FAM153A: variants seen among roughly 807,000 people sequenced by gnomAD.
FAM153A encodes protein FAM153A.
A neutral mutation model predicts 48.1 loss-of-function variants in FAM153A; 12 were observed. The ratio of observed to expected loss-of-function variants is 0.25; its 90% confidence interval spans 0.16 to 0.40. FAM153A has a LOEUF of 0.40. Among genes scored for constraint, FAM153A ranks in the 10% least tolerant of loss-of-function variants. The pLI, the probability that FAM153A is intolerant of heterozygous loss-of-function variation, is 1.00. For missense variants in FAM153A, 111 were observed against 345.8 expected, an observed-to-expected ratio of 0.32 and a Z score of 5.38; for synonymous variants, 36 against 118.2, an observed-to-expected ratio of 0.30 and a Z score of 4.51.
upstream of FAM153A, among the ~76,000 whole-genome samples, chr5:177,781,883 TAA>T (rs1408636862): frequency 5.0e-5 from 4 of 79,742 alleles, 1 homozygote; most frequent in Non-Finnish European, 1.0e-4. Context: ...CACGCCCGGC[TAA>T]TTTTTTTTTT....
chr5:177,758,688 T>C, intron 1 of FAM153A, among the ~76,000 whole-genome samples: 1 of 151,058 alleles, frequency 6.6e-6, no homozygotes, highest in East Asian at 1.9e-4. Flanking sequence ...TACAACTATC[T>C]GATCTTTGAC....
At chr5:177,734,649 G>GGCAAAA (rs1281875422) in intron 13 of FAM153A, among the ~76,000 whole-genome samples, 5 of 144,976 alleles carry the variant, frequency 3.4e-5, no homozygotes, top group Admixed American at 1.4e-4. Context: ...AAATTGGTAA[G>GGCAAAA]GCTCACTGTT....
chr5:177,751,649 G>A (rs1453565680), intron 1 of FAM153A, among the ~76,000 whole-genome samples: 2 of 148,744 alleles, frequency 1.3e-5, no homozygotes, highest in Non-Finnish European at 3.0e-5. Flanking sequence ...TGCCCACATC[G>A]GCCCAGAGAG....
downstream of FAM153A, among the ~76,000 whole-genome samples, chr5:177,707,795 A>AG (rs1401695218): frequency 1.3e-5 from 2 of 151,792 alleles, no homozygotes; most frequent in African/African-American, 4.9e-5. Context: ...TCCTGACCTC[A>AG]GGTGATCCAC....
At chr5:177,710,072 GTCAA>G (rs1758273629), downstream of FAM153A, among the ~76,000 whole-genome samples, 2 of 148,800 alleles carry the variant, frequency 1.3e-5, no homozygotes, top group South Asian at 4.3e-4. Context: ...TTTAAATATA[GTCAA>G]TAACAAAGAT....
rs559107512 is a variant in FAM153A at position 177,723,577 on chromosome 5, A to G, written c.*536T>C. 187 of 161,426 alleles carry G rather than the reference A, an allele frequency of 1.2e-3. 4 individuals carry two copies. Among genetic ancestry groups the G allele is most frequent in the Middle Eastern group, 3.4e-3 (1 of 296 alleles). The allele number at this position is 161,426 out of a possible 1,614,324, so 10.0% of individuals were successfully genotyped here. The stretch of plus-strand genomic sequence containing the variant: ...CACCCCAGGCCCCCACAGAGGCTGA[A>G]GGACCCCTGGAACTGGAGGCCCCCA... On this transcript the variant is annotated 3_prime_UTR_variant, in exon 21 of 21. Coordinates refer to ENST00000614127, the Ensembl canonical transcript of FAM153A.
At chr5:177,743,201 GT>G (rs1191782624) in intron 6 of FAM153A, among the ~76,000 whole-genome samples, 1 of 86,474 alleles carries the variant, frequency 1.2e-5, no homozygotes, top group Non-Finnish European at 2.4e-5. Context: ...TTTTTTTTTT[GT>G]TTTGTTTTTT....
chr5:177,756,616 C>T (rs1011574373), upstream of FAM153A, among the ~76,000 whole-genome samples: 2 of 151,678 alleles, frequency 1.3e-5, no homozygotes, highest in African/African-American at 4.9e-5. Flanking sequence ...TGTAAAAGAA[C>T]AGAAGTTATA....
downstream of FAM153A, among the ~76,000 whole-genome samples, chr5:177,703,387 A>G (rs149679573): frequency 0.23 from 33,235 of 147,082 alleles, 1,245 homozygotes; most frequent in South Asian, 0.31. Context: ...TAATTCCTAT[A>G]CCTCAATTGT....
downstream of FAM153A, among the ~76,000 whole-genome samples, chr5:177,709,092 TC>T: frequency 4.3e-5 from 1 of 23,454 alleles, no homozygotes; most frequent in African/African-American, 1.7e-4. Flanking sequence ...AGACTCCGTC[TC>T]AAAAAAAAAA....
downstream of FAM153A, among the ~76,000 whole-genome samples, chr5:177,708,961 G>C (rs1758102918): frequency 1.3e-5 from 2 of 151,108 alleles, no homozygotes; most frequent in Admixed American, 6.6e-5. Flanking sequence ...CGGGAGTGGT[G>C]GTGGGTGCCT....
downstream of FAM153A, among the ~76,000 whole-genome samples, chr5:177,709,325 G>A (rs1479390301): frequency 7.0e-6 from 1 of 142,606 alleles, no homozygotes; most frequent in African/African-American, 2.6e-5. Flanking sequence ...TTATTGACAG[G>A]AAAAACGAGA....
the FAM153A span, among the ~76,000 whole-genome samples, chr5:177,696,603 T>A: frequency 6.6e-6 from 1 of 151,428 alleles, no homozygotes; most frequent in East Asian, 1.9e-4. Flanking sequence ...GTTGAGTTTA[T>A]TTTTGAGCTC....
At chr5:177,768,448 A>G (rs1477458573) in intron 1 of FAM153A, among the ~76,000 whole-genome samples, 2 of 147,468 alleles carry the variant, frequency 1.4e-5, no homozygotes, top group Non-Finnish European at 3.0e-5. Context: ...CTAATCAATC[A>G]TGTCTTCAGG....
chr5:177,695,949 G>A, the FAM153A span, among the ~76,000 whole-genome samples: 23 of 96,450 alleles, frequency 2.4e-4, no homozygotes, highest in Non-Finnish European at 4.3e-4. Context: ...CTTCCCAGAC[G>A]GGGTGGCGGC....
At chr5:177,708,947 T>C (rs912010380), downstream of FAM153A, among the ~76,000 whole-genome samples, 4 of 150,680 alleles carry the variant, frequency 2.7e-5, no homozygotes, top group Non-Finnish European at 4.4e-5. Flanking sequence ...ACAAAAAAAT[T>C]AGACGGGAGT....
chr5:177,716,074 C>T lies in FAM153A; in HGVS notation c.*1222+271G>A, dbSNP rs1298778862. Among the ~76,000 whole-genome samples the T allele has an allele frequency of 4.0e-5, 6 of 151,312 alleles. No individual in the cohort carries two copies. In the East Asian group the frequency reaches 9.7e-4, roughly 24 times the overall value. ...TCTTAGCTCACTGTAGCCCCCACCT[C>T]CCAGGTTCAAGTGATTCTCCTGCCT... On this transcript the variant is annotated intron_variant and NMD_transcript_variant, in intron 25 of 26. Transcript: ENST00000360669.
At chr5:177,713,911 G>GGT (rs1375878723) in exon 26 of FAM153A, 1 of 151,860 alleles carries the variant, frequency 6.6e-6, no homozygotes. Flanking sequence ...GCCGGCCCAT[G>GGT]GTGCCCTGTT....
the FAM153A span, among the ~76,000 whole-genome samples, chr5:177,696,348 G>T: frequency 2.0e-5 from 3 of 150,762 alleles, no homozygotes; most frequent in Non-Finnish European, 4.4e-5. Context: ...GGGCGGCCGG[G>T]CAGAGGCGCT....
Sources: gnomAD v4.1 joint callset for allele counts (sites outside exome capture counted in the v4.1 genomes callset) on GRCh38, gnomAD v4.1.1 for gene constraint, MANE v1.5 for transcripts, NCBI Gene and HGNC (gene_info 2026-07-23, HGNC 2026-07-21) for gene names.